The following COL23A1 variants were observed in gnomAD, a reference collection of about 807,000 sequenced individuals.
COL23A1 encodes collagen alpha-1(XXIII) chain.
Under a neutral mutation model 99.3 loss-of-function variants are expected in COL23A1, and 97 were observed. The observed-to-expected ratio is 0.98, with a 90% CI of 0.83 to 1.16. COL23A1 has a LOEUF of 1.16. COL23A1 is among the 50% of genes most tolerant of loss of function. The probability of loss-of-function intolerance (pLI) is 0.00; values close to 1 mark genes in which losing one functional copy is unlikely to be tolerated. For missense variants in COL23A1, 762 were observed against 757.4 expected, an observed-to-expected ratio of 1.01 and a Z score of -0.07; for synonymous variants, 320 against 308.2, an observed-to-expected ratio of 1.04 and a Z score of -0.40.
chr5:178,354,541 G>C (rs746190718), intron 2 of COL23A1, among the ~76,000 whole-genome samples: 1 of 152,118 alleles, frequency 6.6e-6, no homozygotes, highest in African/African-American at 2.4e-5. Flanking sequence ...ACCATCCTCT[G>C]GGTGCTGTTC....
At chr5:178,358,599 ATGTGTGTATG>A (rs1761976220) in intron 2 of COL23A1, among the ~76,000 whole-genome samples, 1 of 136,638 alleles carries the variant, frequency 7.3e-6, no homozygotes, top group African/African-American at 2.8e-5. Flanking sequence ...GTGTATGTGT[ATGTGTGTATG>A]CGTGTATGTA....
chr5:178,358,503 A>AT (rs1761954015), intron 2 of COL23A1, among the ~76,000 whole-genome samples: 1 of 93,518 alleles, frequency 1.1e-5, no homozygotes, highest in African/African-American at 4.2e-5. Flanking sequence ...GTATGCGTGT[A>AT]TATGTGTGTA....
intron 5 of COL23A1, among the ~76,000 whole-genome samples, chr5:178,279,774 T>G (rs1756788029): frequency 1.3e-5 from 2 of 152,044 alleles, no homozygotes; most frequent in African/African-American, 2.4e-5. Flanking sequence ...CCCCTGAAAC[T>G]CCCCACTTAT....
intron 2 of COL23A1, among the ~76,000 whole-genome samples, chr5:178,543,479 A>T (rs1316253927): frequency 6.6e-6 from 1 of 152,136 alleles, no homozygotes; most frequent in Non-Finnish European, 1.5e-5. Context: ...GACTGGGGCC[A>T]TAGGGGTTCT....
chr5:178,557,388 G>A lies in COL23A1; in HGVS notation c.361+3294C>T, dbSNP rs533475124. Among the ~76,000 whole-genome samples, 14 of 152,280 alleles carry A rather than the reference G, an allele frequency of 9.2e-5. No homozygotes were observed. The South Asian group carries it at 1.9e-3, about 20-fold the overall frequency. On this transcript the variant is annotated intron_variant, in intron 2 of 28. Transcript: ENST00000390654. ...GGACTTGGACATATCTTTTGAGGGC[G>A]ACAGGATTCAACCCACTACACTATT...
At chr5:178,559,107 G>C (rs1762426713) in intron 2 of COL23A1, among the ~76,000 whole-genome samples, 2 of 152,120 alleles carry the variant, frequency 1.3e-5, no homozygotes, top group South Asian at 4.1e-4. Flanking sequence ...CTGACTTCTT[G>C]ATCTGTGAAT....
intron 2 of COL23A1, among the ~76,000 whole-genome samples, chr5:178,426,128 G>A (rs960052205): frequency 6.6e-6 from 1 of 152,184 alleles, no homozygotes; most frequent in African/African-American, 2.4e-5. Flanking sequence ...AGAGATGTTA[G>A]ACATCAGGCA....
At chr5:178,354,659 T>TCC (rs1281062958) in intron 2 of COL23A1, among the ~76,000 whole-genome samples, 2 of 152,166 alleles carry the variant, frequency 1.3e-5, no homozygotes, top group Admixed American at 6.5e-5. Context: ...TGTGCCTGCT[T>TCC]CCCCTTCACC....
intron 8 of COL23A1, among the ~76,000 whole-genome samples, chr5:178,264,079 C>T (rs1484799933): frequency 6.6e-6 from 1 of 152,110 alleles, no homozygotes; most frequent in Admixed American, 6.6e-5. Context: ...ATTGTAACTA[C>T]AAAAGAACAG....
chr5:178,451,139 C>T (rs1183421369), intron 2 of COL23A1, among the ~76,000 whole-genome samples: 1 of 152,176 alleles, frequency 6.6e-6, no homozygotes, highest in African/African-American at 2.4e-5. Flanking sequence ...AGAGGGAAAA[C>T]TTTAAATCTA....
At chr5:178,352,489 C>T (rs1269686444) in intron 2 of COL23A1, among the ~76,000 whole-genome samples, 1 of 152,210 alleles carries the variant, frequency 6.6e-6, no homozygotes, top group African/African-American at 2.4e-5. Flanking sequence ...TTACAATTCT[C>T]ATAAGGAGCA....
chr5:178,562,126 C>A, intron 1 of COL23A1: 1 of 521,342 alleles, frequency 1.9e-6, no homozygotes, highest in Non-Finnish European at 3.7e-6. Flanking sequence ...CCTATAATCC[C>A]AGCTGCTTGG....
chr5:178,456,789 A>T (rs1428751731), intron 2 of COL23A1, among the ~76,000 whole-genome samples: 1 of 152,104 alleles, frequency 6.6e-6, no homozygotes, highest in Non-Finnish European at 1.5e-5. Context: ...AGTGAGAAAA[A>T]TTTTTGCAAC....
intron 2 of COL23A1, among the ~76,000 whole-genome samples, chr5:178,512,232 G>T (rs192895216): frequency 1.3e-5 from 2 of 152,316 alleles, no homozygotes; most frequent in Admixed American, 1.3e-4. Context: ...TAGCATTAGT[G>T]GTATTGTAGA....
In COL23A1 at chr5:178,441,928, T is replaced by C. The variant is rs533711722; in HGVS notation, c.361+118754A>G. On this transcript the variant is annotated intron_variant, in intron 2 of 28. Transcript: ENST00000390654. ...GGTTTTGTGGAAGAAACCGTGTACT[T>C]CATAGCCTAAGCATGACCAGGCAGA... Among the ~76,000 whole-genome samples, 7 of 152,184 alleles carry C rather than the reference T, an allele frequency of 4.6e-5. No individual in the cohort carries two copies. The South Asian group carries it at 1.5e-3, about 32-fold the overall frequency.
chr5:178,307,944 G>A lies in COL23A1; in HGVS notation c.362-1025C>T, dbSNP rs1472747619. On this transcript the variant is annotated intron_variant, in intron 2 of 28. Coordinates refer to ENST00000390654, the MANE Select transcript of COL23A1 (RefSeq NM_173465.4). This position sits in a 1 kb window ranked among gnomAD's most constrained non-coding sequence, Gnocchi z 4.2. The stretch of plus-strand genomic sequence containing the variant: ...CGTCAAGAATTTCCAGAACAACCAC[G>A]AAGGAGATGCAGGAGACTGGCCCCG... Among the ~76,000 whole-genome samples, 1 of 152,206 alleles carries A rather than the reference G, an allele frequency of 6.6e-6. No homozygotes were observed. Among genetic ancestry groups the A allele is most frequent in the East Asian group, 1.9e-4 (1 of 5,200 alleles).
chr5:178,341,788 G>C (rs1014756521), intron 2 of COL23A1, among the ~76,000 whole-genome samples: 3 of 152,042 alleles, frequency 2.0e-5, no homozygotes, highest in Non-Finnish European at 4.4e-5. Context: ...TCCAGCAGCA[G>C]CCGGCACCCC....
chr5:178,488,484 C>A (rs1581487955), intron 2 of COL23A1, among the ~76,000 whole-genome samples: 1 of 152,096 alleles, frequency 6.6e-6, no homozygotes, highest in South Asian at 2.1e-4. Flanking sequence ...AGTATTCCTT[C>A]CTTTCCCTCA....
intron 2 of COL23A1, among the ~76,000 whole-genome samples, chr5:178,417,060 A>T (rs1397104780): frequency 3.3e-5 from 5 of 152,168 alleles, no homozygotes; most frequent in Non-Finnish European, 7.3e-5. Flanking sequence ...CTGCCACCAA[A>T]TAGTGCTTGT....
Sources: allele counts gnomAD v4.1 joint callset (sites outside exome capture counted in the v4.1 genomes callset), GRCh38; gene constraint gnomAD v4.1.1; non-coding constraint Gnocchi (gnomAD v3.1); transcripts MANE v1.5; gene names NCBI Gene and HGNC (gene_info 2026-07-23, HGNC 2026-07-21).